The following PRORP variants were observed in gnomAD, a reference collection of about 807,000 sequenced individuals.
PRORP encodes protein only RNase P catalytic subunit.
A neutral mutation model predicts 59.4 loss-of-function variants in PRORP; 51 were observed. That is an observed-to-expected ratio of 0.86 (90% confidence interval 0.69 to 1.08). PRORP has a LOEUF of 1.08. PRORP is among the 50% of genes least tolerant of loss of function. The pLI, the probability that PRORP is intolerant of heterozygous loss-of-function variation, is 0.00. For synonymous variants in PRORP, 231 were observed against 245.6 expected, an observed-to-expected ratio of 0.94 and a Z score of 0.55; for missense variants, 646 against 690.3, an observed-to-expected ratio of 0.94 and a Z score of 0.72.
At chr14:35,174,005 T>A (rs1458606501) in intron 4 of PRORP, among the ~76,000 whole-genome samples, 1 of 152,068 alleles carries the variant, frequency 6.6e-6, no homozygotes, top group African/African-American at 2.4e-5. Flanking sequence ...GATGGCTGGT[T>A]TCCAAGAGCA....
intron 4 of PRORP, among the ~76,000 whole-genome samples, chr14:35,163,304 T>C (rs972180188): frequency 1.3e-5 from 2 of 152,162 alleles, no homozygotes; most frequent in Non-Finnish European, 2.9e-5. Flanking sequence ...AATTATGTAC[T>C]CTTGCTGTAT....
intron 5 of PRORP, among the ~76,000 whole-genome samples, chr14:35,243,368 C>G (rs1243049494): frequency 4.6e-5 from 7 of 151,720 alleles, no homozygotes; most frequent in African/African-American, 1.7e-4. Flanking sequence ...ACTCTCATCT[C>G]TATAAAAAAA....
intron 4 of PRORP, among the ~76,000 whole-genome samples, chr14:35,152,974 C>T (rs78162253): frequency 6.6e-6 from 1 of 152,202 alleles, no homozygotes; most frequent in Non-Finnish European, 1.5e-5. Context: ...ACGCTCCTCA[C>T]TTCCCAGACG....
At chr14:35,186,954 T>C (rs562291609) in intron 5 of PRORP, among the ~76,000 whole-genome samples, 1 of 152,274 alleles carries the variant, frequency 6.6e-6, no homozygotes, top group East Asian at 1.9e-4. Context: ...GCATAGTGTT[T>C]CAAAGTTCAT....
intron 5 of PRORP, among the ~76,000 whole-genome samples, chr14:35,204,191 T>C (rs1269224817): frequency 6.6e-6 from 1 of 152,190 alleles, no homozygotes; most frequent in Non-Finnish European, 1.5e-5. Flanking sequence ...TCAGAGGTGA[T>C]ACTCATGTCA....
chr14:35,242,692 A>C (rs574028088), intron 5 of PRORP, among the ~76,000 whole-genome samples: 1 of 152,256 alleles, frequency 6.6e-6, no homozygotes, highest in African/African-American at 2.4e-5. Flanking sequence ...CGTATTTCCA[A>C]GTGCAATATT....
intron 4 of PRORP, among the ~76,000 whole-genome samples, chr14:35,149,140 C>T (rs1195677807): frequency 1.1e-4 from 16 of 150,428 alleles, no homozygotes; most frequent in South Asian, 2.1e-4. Flanking sequence ...AGGATGGTCT[C>T]GATCTCCTGA....
At chr14:35,198,489 A>G (rs1280344305) in intron 5 of PRORP, among the ~76,000 whole-genome samples, 1 of 152,242 alleles carries the variant, frequency 6.6e-6, no homozygotes, top group African/African-American at 2.4e-5. Context: ...AAGACTAAAT[A>G]GGAGGACTCC....
At chr14:35,267,116 G>C (rs557386023) in intron 6 of PRORP, among the ~76,000 whole-genome samples, 50 of 152,294 alleles carry the variant, frequency 3.3e-4, no homozygotes, top group Middle Eastern at 3.4e-3. Flanking sequence ...AGGAGAAGTG[G>C]AGGGAAGTTA....
chr14:35,127,358 A>G (rs1423318246), intron 3 of PRORP, 121 bp from the exon 4 acceptor site: 1 of 690,870 alleles, frequency 1.4e-6, no homozygotes. Flanking sequence ...TGATTATCAC[A>G]AAGGTTTTAA....
chr14:35,146,672 T>C (rs2047618674), intron 4 of PRORP, among the ~76,000 whole-genome samples: 1 of 152,222 alleles, frequency 6.6e-6, no homozygotes, highest in Admixed American at 6.5e-5. Context: ...CAAAATATAG[T>C]TTTAAACCAT....
intron 5 of PRORP, among the ~76,000 whole-genome samples, chr14:35,193,678 C>T (rs1233953431): frequency 4.1e-5 from 6 of 146,798 alleles, no homozygotes; most frequent in Non-Finnish European, 7.5e-5. Flanking sequence ...GTGAGTTTCT[C>T]GATCCCCATG....
At chr14:35,199,892 T>TA (rs2049103276) in intron 5 of PRORP, among the ~76,000 whole-genome samples, 1 of 152,198 alleles carries the variant, frequency 6.6e-6, no homozygotes, top group Non-Finnish European at 1.5e-5. Context: ...TTTCCAATTA[T>TA]AATAGGTCTC....
chr14:35,152,919 G>A (rs2047811333), intron 4 of PRORP, among the ~76,000 whole-genome samples: 1 of 151,496 alleles, frequency 6.6e-6, no homozygotes, highest in African/African-American at 2.4e-5. Context: ...GGGCAGCCGG[G>A]CAGAGGGGCT....
intron 5 of PRORP, among the ~76,000 whole-genome samples, chr14:35,193,499 T>G (rs1443929435): frequency 2.0e-5 from 3 of 152,136 alleles, no homozygotes; most frequent in African/African-American, 7.2e-5. Flanking sequence ...TAAGTTCTTA[T>G]TTTTTCTGCC....
At position 35,155,552 on chromosome 14, in the gene PRORP, T is replaced by C. The variant is rs549993265; in HGVS notation, c.1168-25118T>C. ...GCCTGGGCAACATAGCGAGACCTGG[T>C]GTCTATTTAAAAAAAAAAAAAAAAA... On this transcript the variant is annotated intron_variant, in intron 4 of 7. Transcript: ENST00000534898. Among the ~76,000 whole-genome samples, 453 of 114,964 alleles carry C rather than the reference T, an allele frequency of 3.9e-3. 2 individuals are homozygous for C. Among genetic ancestry groups the C allele is most frequent in the African/African-American group, 0.014 (439 of 31,534 alleles). The allele number at this position is 114,964 out of a possible 152,430, so 75.4% of individuals were successfully genotyped here. A position where few individuals can be genotyped will look rare whatever the true frequency, so the allele number is the denominator to read the frequency against.
chr14:35,203,843 C>T (rs2049222238), intron 5 of PRORP, among the ~76,000 whole-genome samples: 1 of 151,990 alleles, frequency 6.6e-6, no homozygotes, highest in African/African-American at 2.4e-5. Context: ...CCAGCCTGGG[C>T]GACAGCGAGA....
chr14:35,223,915 T>C (rs979252574), intron 5 of PRORP, among the ~76,000 whole-genome samples: 15 of 152,250 alleles, frequency 9.9e-5, no homozygotes, highest in African/African-American at 3.1e-4. Context: ...CCAGCACCTC[T>C]AGTACCTCTG....
intron 4 of PRORP, among the ~76,000 whole-genome samples, chr14:35,161,136 GTGTTAA>G (rs1402012460): frequency 6.6e-6 from 1 of 152,162 alleles, no homozygotes; most frequent in Non-Finnish European, 1.5e-5. Flanking sequence ...CTGGTATCCA[GTGTTAA>G]AACCCAAAGA....
Sources: gnomAD v4.1 joint callset for allele counts (sites outside exome capture counted in the v4.1 genomes callset) on GRCh38, gnomAD v4.1.1 for gene constraint, MANE v1.5 for transcripts, NCBI Gene and HGNC (gene_info 2026-07-23, HGNC 2026-07-21) for gene names.